AGPAT4: variants seen among roughly 807,000 people sequenced by gnomAD.
AGPAT4 encodes the protein 1-acyl-sn-glycerol-3-phosphate acyltransferase delta.
Under a neutral mutation model 48.0 loss-of-function variants are expected in AGPAT4, and 15 were observed. The observed-to-expected ratio is 0.31, with a 90% CI of 0.21 to 0.48. AGPAT4 has a LOEUF of 0.48. Among genes scored for constraint, AGPAT4 ranks in the 20% least tolerant of loss-of-function variants. AGPAT4 has a pLI of 0.99. For synonymous variants in AGPAT4, 178 were observed against 198.7 expected, an observed-to-expected ratio of 0.90 and a Z score of 0.88; for missense variants, 314 against 482.5, an observed-to-expected ratio of 0.65 and a Z score of 3.27.
chr6:161,269,927 G>A (rs567704651), intron 1 of AGPAT4, among the ~76,000 whole-genome samples: 8 of 152,250 alleles, frequency 5.3e-5, no homozygotes, highest in Admixed American at 2.0e-4. Context: ...AAATTAGATC[G>A]GAGAAACAAG....
Position 161,197,807 on chromosome 6 carries a change from T to C in AGPAT4, c.179-31390A>G, listed in dbSNP as rs1781112271. Among the ~76,000 whole-genome samples, 1 of 152,108 alleles carries C rather than the reference T, an allele frequency of 6.6e-6. No homozygotes were observed. Among genetic ancestry groups the C allele is most frequent in the Admixed American group, 6.5e-5 (1 of 15,268 alleles). On this transcript the variant is annotated intron_variant, in intron 2 of 8. Transcript: ENST00000320285. This position sits in a 1 kb window ranked among gnomAD's most constrained non-coding sequence, Gnocchi z 5.7. ...TAAGTGCCTGCCGGAGTTCTGGAAA[T>C]AAAATTACTTACGTGGACTCTAGAG...
rs138454954 is a variant in AGPAT4 at position 161,165,063 on chromosome 6, G to A, written c.348+1185C>T. Among the ~76,000 whole-genome samples, 2 of 152,262 alleles carry A rather than the reference G, an allele frequency of 1.3e-5. No homozygotes were observed. The highest frequency in any genetic ancestry group is 2.4e-5 in the African/African-American group (1 of 41,558). ...GCCATTCACCCCTGGTATCCATGAC[G>A]GGGTTAGGACCATGACATTCTAAGG... On this transcript the variant is annotated intron_variant, in intron 3 of 8. Coordinates refer to ENST00000320285, the MANE Select transcript of AGPAT4 (RefSeq NM_020133.3). The surrounding 1 kb of genome is among the most constrained non-coding windows in gnomAD (Gnocchi z 5.5).
rs1479376882 is a variant in AGPAT4 at position 161,177,660 on chromosome 6, GT to G, written c.179-11244del. 1.3e-5 allele frequency among the ~76,000 whole-genome samples: 2 copies of G among 152,180 alleles called. No homozygotes were observed. Among genetic ancestry groups the G allele is most frequent in the African/African-American group, 4.8e-5 (2 of 41,438 alleles). ...AGCCTTCTTTTCTCAACATGTCAAA[GT>G]CATTCTCCGTCCAGCTTTCTTCCAT... On this transcript the variant is annotated intron_variant, in intron 2 of 8. Transcript: ENST00000320285. This position sits in a 1 kb window ranked among gnomAD's most constrained non-coding sequence, Gnocchi z 5.0.
rs1781779047 is a variant in AGPAT4, at chr6:161,219,909, AGGCAGGCG to A, written c.178+12119_178+12126del. On this transcript the variant is annotated intron_variant, in intron 2 of 8. Transcript: ENST00000320285. This position sits in a 1 kb window ranked among gnomAD's most constrained non-coding sequence, Gnocchi z 4.9. ...CAGGCAGGCAGGCAGGCAGGCAGGCAGGCAGGCGGCAGGCAGGCAGGCAGGCAGGCAGG... is the reference window on the plus strand; with the variant it reads ...CAGGCAGGCAGGCAGGCAGGCAGGCAGCAGGCAGGCAGGCAGGCAGGCAGG... Among the ~76,000 whole-genome samples the A allele has an allele frequency of 1.6e-5, 2 of 126,004 alleles. No homozygotes were observed. The highest frequency in any genetic ancestry group is 5.3e-4 in the South Asian group (2 of 3,768). 82.7% of individuals were successfully genotyped at this position (126,004 alleles called of 152,430 possible).
Position 161,200,457 on chromosome 6 carries a change from T to C in AGPAT4, c.178+31579A>G, listed in dbSNP as rs1781210013. On this transcript the variant is annotated intron_variant, in intron 2 of 8. Coordinates refer to ENST00000320285, the MANE Select transcript of AGPAT4 (RefSeq NM_020133.3). The surrounding 1 kb of genome is among the most constrained non-coding windows in gnomAD (Gnocchi z 5.5). ...ACCACAGTACAATCCTAATTATCTA[T>C]GAGAAGGCCTGCACTCTCTGGCTTC... is the stretch of plus-strand genomic sequence containing the variant. Among the ~76,000 whole-genome samples the C allele has an allele frequency of 6.6e-6, 1 of 152,220 alleles. No homozygotes were observed. Among genetic ancestry groups the C allele is most frequent in the Admixed American group, 6.5e-5 (1 of 15,286 alleles).
In AGPAT4 at chr6:161,258,946, G is replaced by A. The variant is rs1409148827; in HGVS notation, c.-90+14992C>T. On this transcript the variant is annotated intron_variant, in intron 1 of 8. Transcript: ENST00000320285. The stretch of plus-strand genomic sequence containing the variant: ...CAAGTAGCTGGGATTACAGGCGCCC[G>A]CCACCAGGCCCAGCTAATTTTTTGT... 8.6e-5 allele frequency among the ~76,000 whole-genome samples: 13 copies of A among 151,946 alleles called. No homozygotes were observed. In the South Asian group the frequency reaches 1.5e-3, roughly 17 times the overall value.
At chr6:161,247,872 C>T (rs556031965) in intron 1 of AGPAT4, among the ~76,000 whole-genome samples, 2 of 150,586 alleles carry the variant, frequency 1.3e-5, no homozygotes, top group East Asian at 3.9e-4. Flanking sequence ...ATCCCAGCTA[C>T]TCAGAAGGCT....
chr6:161,219,907 G>T lies in AGPAT4; in HGVS notation c.178+12129C>A, dbSNP rs1012391689. On this transcript the variant is annotated intron_variant, in intron 2 of 8. Coordinates refer to ENST00000320285, the MANE Select transcript of AGPAT4 (RefSeq NM_020133.3). This position sits in a 1 kb window ranked among gnomAD's most constrained non-coding sequence, Gnocchi z 4.9. ...GGCAGGCAGGCAGGCAGGCAGGCAG[G>T]CAGGCAGGCGGCAGGCAGGCAGGCA... Among the ~76,000 whole-genome samples, 2 of 134,930 alleles carry T rather than the reference G, an allele frequency of 1.5e-5. No homozygotes were observed. The highest frequency in any genetic ancestry group is 6.2e-5 in the African/African-American group (2 of 32,196). The allele number at this position is 134,930 out of a possible 152,430, so 88.5% of individuals were successfully genotyped here.
Position 161,165,878 on chromosome 6 carries a change from G to C in AGPAT4, c.348+370C>G. On this transcript the variant is annotated intron_variant, in intron 3 of 8. Coordinates refer to ENST00000320285, the MANE Select transcript of AGPAT4 (RefSeq NM_020133.3). The surrounding 1 kb of genome is among the most constrained non-coding windows in gnomAD (Gnocchi z 5.5). ...GTAGAGCATGGAATTAAGAAATATG[G>C]ATGGGAGTGAAATCCAAATCTAATT... is the stretch of plus-strand genomic sequence containing the variant. 1 of 594,254 alleles carries C rather than the reference G, an allele frequency of 1.7e-6. No homozygotes were observed. The highest frequency in any genetic ancestry group is 3.0e-6 in the Non-Finnish European group (1 of 333,366). 36.8% of individuals were successfully genotyped at this position (594,254 alleles called of 1,614,324 possible).
chr6:161,237,562 G>A (rs559118844), intron 1 of AGPAT4, among the ~76,000 whole-genome samples: 1 of 152,324 alleles, frequency 6.6e-6, no homozygotes, highest in South Asian at 2.1e-4. Context: ...TAGACCTTTA[G>A]AGAATATTAG....
intron 2 of AGPAT4, among the ~76,000 whole-genome samples, chr6:161,173,658 C>A (rs1384906071): frequency 6.6e-6 from 1 of 152,236 alleles, no homozygotes; most frequent in African/African-American, 2.4e-5. Context: ...AATCAGATCC[C>A]ATTTGTCAAT....
Position 161,259,711 on chromosome 6 carries a change from C to G in AGPAT4, c.-90+14227G>C, listed in dbSNP as rs1783046557. On this transcript the variant is annotated intron_variant, in intron 1 of 8. Coordinates refer to ENST00000320285, the MANE Select transcript of AGPAT4 (RefSeq NM_020133.3). This position sits in a 1 kb window ranked among gnomAD's most constrained non-coding sequence, Gnocchi z 4.9. Reference sequence around the variant, plus strand: ...CGCACAGTTCACATGCCCAGGAGGACTCTCTGGCTGAGTGGCACCTTGAGC... The same window carrying G: ...CGCACAGTTCACATGCCCAGGAGGAGTCTCTGGCTGAGTGGCACCTTGAGC... 6.6e-6 allele frequency among the ~76,000 whole-genome samples: 1 copy of G among 152,178 alleles called. No individual in the cohort carries two copies.
intron 1 of AGPAT4, among the ~76,000 whole-genome samples, chr6:161,271,185 A>C (rs907495782): frequency 2.7e-5 from 4 of 150,838 alleles, no homozygotes; most frequent in South Asian, 2.1e-4. Flanking sequence ...CTAAAGACTG[A>C]CTTCTCCCTT....
rs991642437 is a variant in AGPAT4 at position 161,189,915 on chromosome 6, G to T, written c.179-23498C>A. 6.6e-6 allele frequency among the ~76,000 whole-genome samples: 1 copy of T among 152,154 alleles called. No homozygotes were observed. The highest frequency in any genetic ancestry group is 1.5e-5 in the Non-Finnish European group (1 of 68,040). On this transcript the variant is annotated intron_variant, in intron 2 of 8. Transcript: ENST00000320285. This position sits in a 1 kb window ranked among gnomAD's most constrained non-coding sequence, Gnocchi z 5.3. ...CACATTTTAACATGCTGAAATCAGGGTGTGTCTCACTATTGATGGCATCCC... is the reference window on the plus strand; with the variant it reads ...CACATTTTAACATGCTGAAATCAGGTTGTGTCTCACTATTGATGGCATCCC...
chr6:161,135,817 G>C lies in AGPAT4; in HGVS notation c.*723C>G, dbSNP rs753878867. 3.3e-5 allele frequency: 5 copies of C among 152,306 alleles called. No individual in the cohort carries two copies. The highest frequency in any genetic ancestry group is 4.8e-5 in the African/African-American group (2 of 41,460). The allele number at this position is 152,306 out of a possible 1,614,324, so 9.4% of individuals were successfully genotyped here. On this transcript the variant is annotated 3_prime_UTR_variant, in exon 9 of 9. Transcript: ENST00000320285. ...GCCAGGAGACTGCACTGCAGAGACC[G>C]AGCGAAACTCTCCCTTGCTGTGTGC...
chr6:161,254,471 C>A lies in AGPAT4; in HGVS notation c.-90+19467G>T, dbSNP rs541209367. 1.3e-5 allele frequency among the ~76,000 whole-genome samples: 2 copies of A among 152,190 alleles called. No individual in the cohort carries two copies. The highest frequency in any genetic ancestry group is 2.9e-5 in the Non-Finnish European group (2 of 68,034). The stretch of plus-strand genomic sequence containing the variant: ...ATTAAGTGATTCATATACATATATA[C>A]GTTTAGAGGCAACTCGTTCAGCGAA... On this transcript the variant is annotated intron_variant, in intron 1 of 8. Transcript: ENST00000320285. The surrounding 1 kb of genome is among the most constrained non-coding windows in gnomAD (Gnocchi z 5.9).
Position 161,164,893 on chromosome 6 carries a change from A to G in AGPAT4, c.348+1355T>C, listed in dbSNP as rs767505903. Among the ~76,000 whole-genome samples, 49 of 152,120 alleles carry G rather than the reference A, an allele frequency of 3.2e-4. No homozygotes were observed. Among genetic ancestry groups the G allele is most frequent in the Admixed American group, 1.2e-3 (18 of 15,262 alleles). ...AAGTACTTACAAAGCCTGGAAAATC[A>G]CCAGCTGCCTCTAAACTACAGTTTG... On this transcript the variant is annotated intron_variant, in intron 3 of 8. Transcript: ENST00000320285. The surrounding 1 kb of genome is among the most constrained non-coding windows in gnomAD (Gnocchi z 7.4).
chr6:161,232,221 G>A lies in AGPAT4; in HGVS notation c.-8C>T, dbSNP rs1204655861. ...CAGTCCCGCGAGGTCCATGATGCGT[G>A]GACGCTCTTATTCAGAAATAAATAA... is the stretch of plus-strand genomic sequence containing the variant. On this transcript the variant is annotated 5_prime_UTR_variant, in exon 2 of 9. Coordinates refer to ENST00000320285, the MANE Select transcript of AGPAT4 (RefSeq NM_020133.3). This position sits in a 1 kb window ranked among gnomAD's most constrained non-coding sequence, Gnocchi z 6.8. 6.2e-7 allele frequency: 1 copy of A among 1,612,116 alleles called. No homozygotes were observed. The highest frequency in any genetic ancestry group is 1.1e-5 in the South Asian group (1 of 90,828).
intron 1 of AGPAT4, among the ~76,000 whole-genome samples, chr6:161,239,272 T>C (rs1398778619): frequency 6.6e-6 from 1 of 152,188 alleles, no homozygotes; most frequent in Non-Finnish European, 1.5e-5. Context: ...AATTTCCCCA[T>C]GAAAGAATCC....
Sources: gnomAD v4.1 joint callset for allele counts (sites outside exome capture counted in the v4.1 genomes callset) on GRCh38, gnomAD v4.1.1 for gene constraint, Gnocchi (gnomAD v3.1) non-coding constraint, MANE v1.5 for transcripts, NCBI Gene and HGNC (gene_info 2026-07-23, HGNC 2026-07-21) for gene names.